The following ZFHX3 variants were observed in gnomAD, a reference collection of about 807,000 sequenced individuals.
ZFHX3 encodes zinc finger homeobox protein 3.
Under a neutral mutation model 279.1 loss-of-function variants are expected in ZFHX3, and 42 were observed. The ratio of observed to expected loss-of-function variants is 0.15; its 90% confidence interval spans 0.12 to 0.19. The LOEUF (loss-of-function observed/expected upper bound fraction) is 0.19, where lower values mean the gene tolerates loss of function less well. Among genes scored for constraint, ZFHX3 ranks in the 10% least tolerant of loss-of-function variants. The probability of loss-of-function intolerance (pLI) is 1.00; values close to 1 mark genes in which losing one functional copy is unlikely to be tolerated. For missense variants in ZFHX3, 4,981 were observed against 4,754.0 expected (o/e 1.05, Z -1.40); for synonymous variants, 2,293 against 1,957.8 (o/e 1.17, Z -4.52).
Position 73,457,213 on chromosome 16 carries a change from G to A in ZFHX3, c.-1546-955C>T, listed in dbSNP as rs182115791. Reference sequence around the variant, plus strand: ...GAAAGTGACAGTTTTCTTCCAAGAGGTGGCATCTCTCTGGAAACCATCCTG... The same window carrying A: ...GAAAGTGACAGTTTTCTTCCAAGAGATGGCATCTCTCTGGAAACCATCCTG... On this transcript the variant is annotated intron_variant, in intron 2 of 17. Coordinates refer to the ZFHX3 transcript ENST00000641206. Among the ~76,000 whole-genome samples the A allele has an allele frequency of 5.3e-5, 8 of 152,254 alleles. No homozygotes were observed. The East Asian group carries it at 1.2e-3, about 22-fold the overall frequency.
chr16:73,191,871 T>C (rs1968044871), intron 5 of ZFHX3, among the ~76,000 whole-genome samples: 2 of 152,214 alleles, frequency 1.3e-5, no homozygotes, highest in South Asian at 4.1e-4. Flanking sequence ...CCAGGCCTCC[T>C]CATGCTGTGC....
At chr16:73,635,907 C>A (rs2052523228) in intron 2 of ZFHX3, among the ~76,000 whole-genome samples, 1 of 152,194 alleles carries the variant, frequency 6.6e-6, no homozygotes, top group Non-Finnish European at 1.5e-5. Flanking sequence ...TATGCATTTT[C>A]CTGATTTCAT....
intron 7 of ZFHX3, among the ~76,000 whole-genome samples, chr16:73,095,284 C>T (rs1270259033): frequency 1.4e-4 from 21 of 152,100 alleles, no homozygotes. Context: ...ATCCCACACC[C>T]ATCTTGCCTC....
intron 1 of ZFHX3, among the ~76,000 whole-genome samples, chr16:73,826,106 G>A (rs1960883132): frequency 8.7e-6 from 1 of 114,818 alleles, no homozygotes; most frequent in Admixed American, 8.9e-5. Flanking sequence ...TCTCCTTGAA[G>A]AGGTCCTTCA....
At chr16:73,264,805 C>A (rs1472510502) in intron 4 of ZFHX3, among the ~76,000 whole-genome samples, 2 of 152,066 alleles carry the variant, frequency 1.3e-5, no homozygotes, top group Non-Finnish European at 2.9e-5. Context: ...CAGAGCTTAG[C>A]TCTCACTTAT....
chr16:73,295,125 G>C (rs2014877930), intron 4 of ZFHX3, among the ~76,000 whole-genome samples: 1 of 152,122 alleles, frequency 6.6e-6, no homozygotes, highest in Admixed American at 6.5e-5. Context: ...TGAGGCAGGA[G>C]AATGGCGTGA....
chr16:72,828,076 C>T (rs893161769), intron 5 of ZFHX3, among the ~76,000 whole-genome samples: 10 of 152,182 alleles, frequency 6.6e-5, no homozygotes, highest in Non-Finnish European at 1.5e-4. Context: ...ATTTTCATTG[C>T]TCTCTTCTGG....
chr16:73,886,750 A>T (rs898424673), intron 1 of ZFHX3, among the ~76,000 whole-genome samples: 4 of 152,230 alleles, frequency 2.6e-5, no homozygotes, highest in African/African-American at 7.2e-5. Context: ...AACAAGGAAA[A>T]TCAGGGAGAT....
chr16:73,680,644 C>A (rs1330273122), intron 1 of ZFHX3, among the ~76,000 whole-genome samples: 1 of 152,114 alleles, frequency 6.6e-6, no homozygotes, highest in Non-Finnish European at 1.5e-5. Flanking sequence ...GGGAAAGGTA[C>A]AAAGAAAGTG....
chr16:73,634,081 A>G (rs2052504577), intron 2 of ZFHX3, among the ~76,000 whole-genome samples: 1 of 152,202 alleles, frequency 6.6e-6, no homozygotes, highest in Non-Finnish European at 1.5e-5. Context: ...ACAAATGAAC[A>G]AAATATATTA....
chr16:73,599,057 G>GGT (rs1180093822), intron 2 of ZFHX3, among the ~76,000 whole-genome samples: 1 of 152,180 alleles, frequency 6.6e-6, no homozygotes, highest in Non-Finnish European at 1.5e-5. Flanking sequence ...CACCACGCCC[G>GGT]GCCTTTGAAT....
intron 2 of ZFHX3, among the ~76,000 whole-genome samples, chr16:73,566,095 G>A (rs908078229): frequency 7.2e-5 from 11 of 152,154 alleles, no homozygotes; most frequent in African/African-American, 2.2e-4. Flanking sequence ...GGCTCCCAGA[G>A]CACCCTCTCC....
rs183947728 is a variant in ZFHX3 at position 73,800,448 on chromosome 16, C to T, written c.-1608+91203G>A. The stretch of plus-strand genomic sequence containing the variant: ...GTCAGGCTGGTCTCGAACTCCTGAC[C>T]TCAGGTGATCCATCTGCTTTGGCCT... On this transcript the variant is annotated intron_variant, in intron 1 of 17. Transcript: ENST00000641206. Among the ~76,000 whole-genome samples the T allele has an allele frequency of 2.0e-5, 3 of 152,190 alleles. No homozygotes were observed. The East Asian group carries it at 5.8e-4, about 29-fold the overall frequency.
At chr16:73,804,502 G>T (rs915616469) in intron 1 of ZFHX3, among the ~76,000 whole-genome samples, 3 of 152,106 alleles carry the variant, frequency 2.0e-5, no homozygotes, top group African/African-American at 7.2e-5. Flanking sequence ...AGTTGAAAGA[G>T]GTGTAATTTC....
intron 2 of ZFHX3, among the ~76,000 whole-genome samples, chr16:73,521,037 T>G (rs1434094226): frequency 6.6e-6 from 1 of 152,170 alleles, no homozygotes; most frequent in Non-Finnish European, 1.5e-5. Context: ...GATTCAATAC[T>G]TCAGAACATC....
At chr16:72,981,242 A>C (rs1453887526) in intron 1 of ZFHX3, among the ~76,000 whole-genome samples, 1 of 152,222 alleles carries the variant, frequency 6.6e-6, no homozygotes, top group Non-Finnish European at 1.5e-5. Context: ...AAGAACACAG[A>C]AAAAGACAAT....
rs775959112 is a variant in ZFHX3, at chr16:72,796,997, G to T, written c.5685C>A (p.Ser1895Arg). 1.2e-6 allele frequency: 2 copies of T among 1,613,914 alleles called. No homozygotes were observed. Among genetic ancestry groups the T allele is most frequent in the East Asian group, 4.5e-5 (2 of 44,844 alleles). Residue 1895 changes from serine (S) to arginine (R), a missense_variant, in exon 9 of 10, where the codon AGC becomes AGA. Ser to Arg is a moderately radical substitution (Grantham distance 110, BLOSUM62 -1). This residue lies in a region of ZFHX3 where 1,751 missense variants were observed against 1,770.0 expected (regional missense o/e 0.99). Coordinates refer to ENST00000268489, the MANE Select transcript of ZFHX3 (RefSeq NM_006885.4). ...KEKESQRERD[S>R]AEGGEGNTGP... is the part of the protein sequence containing the mutation. ...CGGTGTTGCCCTCTCCCCCCTCGGC[G>T]CTGTCCCTCTCTCTCTGGCTTTCTT...
intron 1 of ZFHX3, among the ~76,000 whole-genome samples, chr16:73,682,464 C>T (rs1047160167): frequency 6.6e-6 from 1 of 151,952 alleles, no homozygotes; most frequent in Non-Finnish European, 1.5e-5. Flanking sequence ...TCTAGACAAA[C>T]CATAATGCAT....
intron 5 of ZFHX3, among the ~76,000 whole-genome samples, chr16:72,814,093 G>T (rs1167600725): frequency 6.6e-6 from 1 of 152,086 alleles, no homozygotes; most frequent in African/African-American, 2.4e-5. Context: ...AATACTTCCA[G>T]TGTTTATTTG....
Sources: gnomAD v4.1 joint callset for allele counts (sites outside exome capture counted in the v4.1 genomes callset) on GRCh38, gnomAD v4.1.1 for gene constraint, gnomAD v4.1.1 regional missense constraint, MANE v1.5 for transcripts, NCBI Gene and HGNC (gene_info 2026-07-23, HGNC 2026-07-21) for gene names.